Variants in CNTNAP3 observed in about 807,000 individuals in gnomAD.
CNTNAP3 encodes contactin-associated protein-like 3.
Under a neutral mutation model 92.1 loss-of-function variants are expected in CNTNAP3, and 36 were observed. The ratio of observed to expected loss-of-function variants is 0.39; its 90% CI spans 0.30 to 0.52. The LOEUF is 0.52. Ranked by LOEUF, CNTNAP3 falls within the 20% of genes least tolerant of loss-of-function variation. The pLI is 0.76. For synonymous variants in CNTNAP3, 232 were observed against 422.3 expected, an observed-to-expected ratio of 0.55 and a Z score of 5.53; for missense variants, 534 against 1,069.6, an observed-to-expected ratio of 0.50 and a Z score of 6.98.
At chr9:39,136,878 C>T (rs1049647662) in intron 12 of CNTNAP3, among the ~76,000 whole-genome samples, 1 of 152,134 alleles carries the variant, frequency 6.6e-6, no homozygotes, top group Non-Finnish European at 1.5e-5. Context: ...CCAGCCTGGG[C>T]AATGAGAGTA....
At chr9:39,137,904 G>A (rs1821481776) in intron 12 of CNTNAP3, among the ~76,000 whole-genome samples, 1 of 151,794 alleles carries the variant, frequency 6.6e-6, no homozygotes, top group Non-Finnish European at 1.5e-5. Context: ...CTGTTGCCCA[G>A]GCTAGAGTGC....
chr9:39,147,779 A>G (rs1755743), intron 10 of CNTNAP3, among the ~76,000 whole-genome samples: 3,508 of 152,274 alleles, frequency 0.023, 139 homozygotes, highest in African/African-American at 0.079. Flanking sequence ...AAAACAGCCT[A>G]TAACAGTAAA....
chr9:39,098,452 T>C (rs368015135), intron 18 of CNTNAP3, among the ~76,000 whole-genome samples: 5 of 152,218 alleles, frequency 3.3e-5, no homozygotes, highest in Admixed American at 2.6e-4. Flanking sequence ...AATCTAACTA[T>C]AACATATGCC....
chr9:39,142,880 T>C (rs1328011162), intron 11 of CNTNAP3, among the ~76,000 whole-genome samples: 1 of 151,958 alleles, frequency 6.6e-6, no homozygotes, highest in African/African-American at 2.4e-5. Flanking sequence ...CCTGCCTTTC[T>C]CCTGTGGCTT....
chr9:39,067,042 G>T lies in CNTNAP3; in HGVS notation c.*6848C>A, dbSNP rs1488991737. 7.4e-5 allele frequency among the ~76,000 whole-genome samples: 7 copies of T among 93,988 alleles called. No homozygotes were observed. The highest frequency in any genetic ancestry group is 3.3e-4 in the East Asian group (1 of 3,070). The allele number at this position is 93,988 out of a possible 152,430, so 61.7% of individuals were successfully genotyped here. A position where few individuals can be genotyped will look rare whatever the true frequency, so the allele number is the denominator to read the frequency against. On this transcript the variant is annotated 3_prime_UTR_variant, in exon 24 of 24. Transcript: ENST00000297668. ...ATCACCGATACTCTGATTATTCTTT[G>T]TTTTTTTTCTGTCTCTGTTTCATTT... is the stretch of plus-strand genomic sequence containing the variant.
rs1256495618 is a variant in CNTNAP3 at position 39,066,721 on chromosome 9, C to T, written c.*7169G>A. On this transcript the variant is annotated 3_prime_UTR_variant, in exon 24 of 24. Transcript: ENST00000297668. Reference sequence around the variant, plus strand: ...CTCCACTGCCCTTCCCCTTGCATTGCTTCCAAAAAGAAGTCTGGTATCATC... The same window carrying T: ...CTCCACTGCCCTTCCCCTTGCATTGTTTCCAAAAAGAAGTCTGGTATCATC... Among the ~76,000 whole-genome samples the T allele has an allele frequency of 7.0e-3, 1,057 of 151,934 alleles. No individual in the cohort carries two copies. The highest frequency in any genetic ancestry group is 0.024 in the African/African-American group (997 of 41,142).
intron 20 of CNTNAP3, 167 bp downstream of exon 20, chr9:39,086,549 C>T (rs1826065423): frequency 1.2e-6 from 1 of 853,672 alleles, no homozygotes; most frequent in African/African-American, 1.8e-5. Context: ...AATAAACAAC[C>T]ACCTCCTCTC....
chr9:39,065,147 C>T lies in CNTNAP3; in HGVS notation c.*8743G>A, dbSNP rs1825482774. ...TTCCCTTGTGTTTCTCTGCAGTCAA[C>T]TCCCATCCCACCTCAACCCAGGTAA... is the stretch of plus-strand genomic sequence containing the variant. On this transcript the variant is annotated 3_prime_UTR_variant, in exon 24 of 24. Coordinates refer to ENST00000297668, the MANE Select transcript of CNTNAP3 (RefSeq NM_033655.5). Among the ~76,000 whole-genome samples, 1 of 152,418 alleles carries T rather than the reference C, an allele frequency of 6.6e-6. No individual in the cohort carries two copies. Among genetic ancestry groups the T allele is most frequent in the Admixed American group, 6.5e-5 (1 of 15,314 alleles).
chr9:39,157,553 A>T (rs1323846096), intron 9 of CNTNAP3, among the ~76,000 whole-genome samples: 1 of 100,456 alleles, frequency 1.0e-5, no homozygotes, highest in Non-Finnish European at 2.2e-5. Context: ...TCACCATGTT[A>T]GCCACGATGG....
rs766590997 is a variant in CNTNAP3, at chr9:39,103,781, G to A, written c.2499C>T (p.Asn833=). 3 of 1,611,170 alleles carry A rather than the reference G, an allele frequency of 1.9e-6. No individual in the cohort carries two copies. Among genetic ancestry groups the A allele is most frequent in the South Asian group, 1.1e-5 (1 of 90,450 alleles). Residue 833 remains asparagine (N), a synonymous_variant, in exon 16 of 24, where the codon AAC becomes AAT. Coordinates refer to ENST00000297668, the MANE Select transcript of CNTNAP3 (RefSeq NM_033655.5). ...TTVSSGVFME[N]LGITDFIRIE... is the part of the protein sequence containing the mutation. ...TCCTGATGAAATCTGTGATCCCCAG[G>A]TTCTCCATAAACACCCCGGAGGAAA...
At chr9:39,110,594 A>G (rs1450194554) in intron 14 of CNTNAP3, among the ~76,000 whole-genome samples, 1 of 152,150 alleles carries the variant, frequency 6.6e-6, no homozygotes, top group African/African-American at 2.4e-5. Context: ...GGTCCAATAC[A>G]AAGAGACCTG....
Position 39,069,028 on chromosome 9 carries a change from A to ATT in CNTNAP3, c.*4861_*4862insAA, listed in dbSNP as rs528955499. 0.082 allele frequency among the ~76,000 whole-genome samples: 12,076 copies of ATT among 147,346 alleles called. 8 individuals are homozygous for ATT. Among genetic ancestry groups the ATT allele is most frequent in the African/African-American group, 0.24 (9,066 of 38,010 alleles). ...AGTATAAACACACATACACATATAT[A>ATT]TATGTATGTATATAACACACATGAA... On this transcript the variant is annotated 3_prime_UTR_variant, in exon 24 of 24. Coordinates refer to ENST00000297668, the MANE Select transcript of CNTNAP3 (RefSeq NM_033655.5).
intron 21 of CNTNAP3, among the ~76,000 whole-genome samples, chr9:39,083,661 A>C (rs532585967): frequency 5.1e-4 from 77 of 152,374 alleles, no homozygotes; most frequent in African/African-American, 1.8e-3. Context: ...TCATCTCAAA[A>C]GTGTTTAAAT....
At chr9:39,137,836 A>G (rs1383182018) in intron 12 of CNTNAP3, among the ~76,000 whole-genome samples, 1 of 151,910 alleles carries the variant, frequency 6.6e-6, no homozygotes, top group Admixed American at 6.6e-5. Flanking sequence ...GTCTCTTCAA[A>G]GTGTGTTTTT....
chr9:39,137,565 T>A (rs1272303404), intron 12 of CNTNAP3, among the ~76,000 whole-genome samples: 2 of 152,168 alleles, frequency 1.3e-5, no homozygotes, highest in Admixed American at 1.3e-4. Flanking sequence ...CAGGCTGGAG[T>A]TCAGTGGCAT....
Position 39,112,341 on chromosome 9 carries a change from G to A in CNTNAP3, c.2238-3054C>T, listed in dbSNP as rs115139696. Among the ~76,000 whole-genome samples the A allele has an allele frequency of 3.8e-3, 566 of 148,416 alleles. 4 individuals carry two copies. Among genetic ancestry groups the A allele is most frequent in the African/African-American group, 0.014 (541 of 38,148 alleles). On this transcript the variant is annotated intron_variant, in intron 14 of 23. Coordinates refer to ENST00000297668, the MANE Select transcript of CNTNAP3 (RefSeq NM_033655.5). The stretch of plus-strand genomic sequence containing the variant: ...GGGAGGTTGCAAAGAAAGCTAAAAG[G>A]GAGAAATGTTAAGTCAACTTTTTAA...
chr9:39,149,415 TC>T (rs747019253), intron 10 of CNTNAP3, among the ~76,000 whole-genome samples: 6 of 151,960 alleles, frequency 3.9e-5, no homozygotes, highest in Non-Finnish European at 7.4e-5. Context: ...AGTGGCGCGA[TC>T]TCTGCTCACT....
Position 39,099,903 on chromosome 9 carries a change from A to G in CNTNAP3, c.2995+8T>C. 1 of 1,610,694 alleles carries G rather than the reference A, an allele frequency of 6.2e-7. No homozygotes were observed. ...TTTCCCTATAACCTGCTCCTTGGTC[A>G]CACTTACCATTGGAGCAGAACGGCC... On this transcript the variant is annotated splice_region_variant and intron_variant, in intron 18 of 23. Transcript: ENST00000297668.
chr9:39,094,986 A>G (rs1378565815), intron 18 of CNTNAP3, among the ~76,000 whole-genome samples: 3 of 151,158 alleles, frequency 2.0e-5, no homozygotes, highest in African/African-American at 4.8e-5. Flanking sequence ...CTTTCCATCT[A>G]TTTAGTTCTT....
Sources: gnomAD v4.1 joint callset for allele counts (sites outside exome capture counted in the v4.1 genomes callset) on GRCh38, gnomAD v4.1.1 for gene constraint, MANE v1.5 for transcripts, NCBI Gene and HGNC (gene_info 2026-07-23, HGNC 2026-07-21) for gene names.